ZFP2: variants seen among roughly 807,000 people sequenced by gnomAD.
ZFP2 encodes ZFP2 zinc finger protein.
In ZFP2, 33 loss-of-function variants were observed where a neutral mutation model predicts 36.1. The ratio of observed to expected loss-of-function variants is 0.92; its 90% CI spans 0.69 to 1.22. ZFP2 has a LOEUF of 1.22. Among genes scored for constraint, ZFP2 ranks in the 50% most tolerant of loss-of-function variants. The pLI is 0.00. For synonymous variants in ZFP2, 170 were observed against 178.0 expected, an observed-to-expected ratio of 0.96 and a Z score of 0.36; for missense variants, 522 against 551.4, an observed-to-expected ratio of 0.95 and a Z score of 0.53.
chr5:178,897,407 G>A (rs562384165), intron 1 of ZFP2, among the ~76,000 whole-genome samples: 6 of 152,234 alleles, frequency 3.9e-5, no homozygotes, highest in African/African-American at 1.4e-4. Flanking sequence ...GTGCAGAAAC[G>A]TCACAGGTTC....
chr5:178,909,006 T>C (rs888181810), intron 1 of ZFP2, among the ~76,000 whole-genome samples: 1 of 148,462 alleles, frequency 6.7e-6, no homozygotes, highest in African/African-American at 2.5e-5. Context: ...CGCACCGTTA[T>C]CTAAGCCCAG....
At chr5:178,921,472 CT>C (rs926378475) in intron 4 of ZFP2, among the ~76,000 whole-genome samples, 2 of 140,892 alleles carry the variant, frequency 1.4e-5, no homozygotes, top group African/African-American at 5.0e-5. Context: ...GAAGGACCCT[CT>C]CCTCATGTTT....
At chr5:178,919,472 T>C (rs1758508413) in intron 4 of ZFP2, among the ~76,000 whole-genome samples, 1 of 152,226 alleles carries the variant, frequency 6.6e-6, no homozygotes, top group South Asian at 2.1e-4. Context: ...CCTTCATTCC[T>C]GAAAGATTTT....
intron 4 of ZFP2, among the ~76,000 whole-genome samples, chr5:178,929,757 A>G (rs924271718): frequency 6.6e-6 from 1 of 152,038 alleles, no homozygotes; most frequent in East Asian, 1.9e-4. Context: ...AGTTATTCCA[A>G]AGTCACCTCC....
At chr5:178,914,213 C>G (rs1347232669) in intron 3 of ZFP2, among the ~76,000 whole-genome samples, 1 of 152,032 alleles carries the variant, frequency 6.6e-6, no homozygotes, top group Non-Finnish European at 1.5e-5. Context: ...TATTTAATCT[C>G]TAGATAATAT....
chr5:178,901,172 T>C (rs1180644178), intron 1 of ZFP2, among the ~76,000 whole-genome samples: 1 of 152,194 alleles, frequency 6.6e-6, no homozygotes, highest in Non-Finnish European at 1.5e-5. Context: ...CTTTAATTTC[T>C]CTTGGGTAAA....
At chr5:178,905,888 A>G (rs900253643) in intron 1 of ZFP2, among the ~76,000 whole-genome samples, 1 of 152,018 alleles carries the variant, frequency 6.6e-6, no homozygotes, top group Non-Finnish European at 1.5e-5. Context: ...AATAGCTGGG[A>G]CCACAGGTGC....
chr5:178,922,523 A>G, intron 4 of ZFP2: 2 of 1,390,528 alleles, frequency 1.4e-6, no homozygotes. Context: ...ATGGGAGAAT[A>G]GTCTCCAGAT....
intron 4 of ZFP2, among the ~76,000 whole-genome samples, chr5:178,924,771 C>G (rs1758631714): frequency 6.7e-6 from 1 of 148,694 alleles, no homozygotes; most frequent in Non-Finnish European, 1.5e-5. Flanking sequence ...TCACCTGAAC[C>G]CAGGAGGCGG....
chr5:178,928,064 A>G (rs1314718675), intron 4 of ZFP2, among the ~76,000 whole-genome samples: 1 of 151,974 alleles, frequency 6.6e-6, no homozygotes, highest in African/African-American at 2.4e-5. Flanking sequence ...GAACTCACTC[A>G]TGATAGGGAG....
intron 1 of ZFP2, among the ~76,000 whole-genome samples, chr5:178,911,324 T>G (rs982193518): frequency 2.6e-5 from 4 of 152,176 alleles, no homozygotes; most frequent in African/African-American, 9.7e-5. Context: ...CTTTCTCCAC[T>G]ACGGTTGACC....
chr5:178,901,787 T>G (rs975552624), intron 1 of ZFP2, among the ~76,000 whole-genome samples: 2 of 121,836 alleles, frequency 1.6e-5, no homozygotes, highest in African/African-American at 5.6e-5. Flanking sequence ...ATCTTGTGGT[T>G]TTTTGGTTTG....
At chr5:178,924,658 G>A (rs147320673) in intron 4 of ZFP2, among the ~76,000 whole-genome samples, 1,910 of 148,256 alleles carry the variant, frequency 0.013, 84 homozygotes, top group African/African-American at 0.044. Flanking sequence ...TGGCCAACAT[G>A]GTGAAACCCC....
At chr5:178,904,558 T>C (rs1234701181) in intron 1 of ZFP2, among the ~76,000 whole-genome samples, 2 of 150,978 alleles carry the variant, frequency 1.3e-5, no homozygotes, top group Non-Finnish European at 2.9e-5. Flanking sequence ...GTTTATATTA[T>C]AATATAGTTT....
Position 178,912,594 on chromosome 5 carries a change from C to T in ZFP2, c.-439C>T, listed in dbSNP as rs1758320451. ...TTGAGGAATTTTTAGTTTCAGGAGT[C>T]AGTGACCTTCAAGGATGTGTCCATA... is the stretch of plus-strand genomic sequence containing the variant. On this transcript the variant is annotated 5_prime_UTR_variant, in exon 2 of 5. Coordinates refer to ENST00000361362, the MANE Select transcript of ZFP2 (RefSeq NM_030613.4). 1 of 990,746 alleles carries T rather than the reference C, an allele frequency of 1.0e-6. No individual in the cohort carries two copies. The highest frequency in any genetic ancestry group is 4.3e-5 in the South Asian group (1 of 23,240). 61.4% of individuals were successfully genotyped at this position (990,746 alleles called of 1,614,324 possible). A position where few individuals can be genotyped will look rare whatever the true frequency, so the allele number is the denominator to read the frequency against.
chr5:178,908,751 A>G (rs563227203), intron 1 of ZFP2, among the ~76,000 whole-genome samples: 45 of 152,294 alleles, frequency 3.0e-4, no homozygotes, highest in Non-Finnish European at 5.4e-4. Flanking sequence ...AGAAATAACC[A>G]AAATAACCAA....
intron 1 of ZFP2, among the ~76,000 whole-genome samples, chr5:178,912,126 C>A (rs142688404): frequency 2.6e-5 from 4 of 152,034 alleles, no homozygotes; most frequent in Non-Finnish European, 4.4e-5. Flanking sequence ...GAGCAAGACT[C>A]GGTCTCAAAA....
Position 178,932,379 on chromosome 5 carries a change from T to A in ZFP2, c.1066T>A (p.Cys356Ser). The A allele has an allele frequency of 6.2e-7, 1 of 1,614,006 alleles. No individual in the cohort carries two copies. Among genetic ancestry groups the A allele is most frequent in the Non-Finnish European group, 8.5e-7 (1 of 1,180,018 alleles). ...TCACACTGGAGAGAAACCTTATGAG[T>A]GTATGGTGTGTGGAAAACATTTCAC... ...RIHTGEKPYE[C>S]MVCGKHFTGR... Residue 356 changes from cysteine (C) to serine (S), a missense_variant, in exon 5 of 5, where the codon TGT becomes AGT. By Grantham distance (112) the Cys-to-Ser change is moderately radical (BLOSUM62 -1). Coordinates refer to ENST00000361362, the MANE Select transcript of ZFP2 (RefSeq NM_030613.4).
rs562319120 is a variant in ZFP2, at chr5:178,926,769, C to T, written c.-77-4468C>T. ...TCCTGACCTGGTGATCCGTCCACCT[C>T]GGCCTCCCAGAGTTCTGGGATTACA... On this transcript the variant is annotated intron_variant, in intron 4 of 4. Coordinates refer to ENST00000361362, the MANE Select transcript of ZFP2 (RefSeq NM_030613.4). Among the ~76,000 whole-genome samples the T allele has an allele frequency of 1.2e-3, 179 of 152,208 alleles. 1 individual carries two copies. The highest frequency in any genetic ancestry group is 4.0e-3 in the African/African-American group (167 of 41,524).
Sources: allele counts gnomAD v4.1 joint callset (sites outside exome capture counted in the v4.1 genomes callset), GRCh38; gene constraint gnomAD v4.1.1; transcripts MANE v1.5; gene names NCBI Gene and HGNC (gene_info 2026-07-23, HGNC 2026-07-21).